Variants in PTPRZ1 observed in about 807,000 individuals in gnomAD.
PTPRZ1 encodes protein tyrosine phosphatase receptor type Z1, also known as receptor-type tyrosine-protein phosphatase zeta.
A neutral mutation model predicts 214.1 loss-of-function variants in PTPRZ1; 82 were observed. The ratio of observed to expected loss-of-function variants is 0.38; its 90% confidence interval spans 0.32 to 0.46. PTPRZ1 has a LOEUF of 0.46. Ranked by LOEUF, PTPRZ1 falls within the 20% of genes least tolerant of loss-of-function variation. The pLI is 1.00. For synonymous variants in PTPRZ1, 945 were observed against 987.9 expected (o/e 0.96, Z 0.81); for missense variants, 2,603 against 2,748.7 (o/e 0.95, Z 1.19).
intron 1 of PTPRZ1, among the ~76,000 whole-genome samples, chr7:121,926,132 G>A (rs1243373877): frequency 6.6e-6 from 1 of 151,918 alleles, no homozygotes; most frequent in Admixed American, 6.6e-5. Context: ...GTGAAACCCC[G>A]TCTCTACTAA....
At chr7:122,055,164 A>C (rs921422178) in intron 27 of PTPRZ1, 77 bp downstream of exon 27, 3 of 1,177,138 alleles carry the variant, frequency 2.5e-6, no homozygotes, top group Non-Finnish European at 3.4e-6. Flanking sequence ...GATCTGTCCT[A>C]GAAATGAAAA....
intron 10 of PTPRZ1, among the ~76,000 whole-genome samples, chr7:121,998,674 A>G (rs149709511): frequency 5.2e-4 from 79 of 152,256 alleles, no homozygotes; most frequent in East Asian, 2.3e-3. Context: ...TAATTTGACA[A>G]TTTACAAGTT....
intron 23 of PTPRZ1, among the ~76,000 whole-genome samples, chr7:122,045,760 C>G (rs1011218703): frequency 6.6e-6 from 1 of 151,580 alleles, no homozygotes; most frequent in Non-Finnish European, 1.5e-5. Context: ...TGATTTGCCC[C>G]TGTGTAGTTG....
chr7:122,030,379 A>G (rs1799335946), intron 14 of PTPRZ1, among the ~76,000 whole-genome samples: 1 of 152,098 alleles, frequency 6.6e-6, no homozygotes, highest in South Asian at 2.1e-4. Flanking sequence ...GCAGGATAAC[A>G]TCAAGGGGTT....
intron 13 of PTPRZ1, among the ~76,000 whole-genome samples, chr7:122,026,983 G>A (rs1490512964): frequency 6.6e-6 from 1 of 152,108 alleles, no homozygotes; most frequent in Non-Finnish European, 1.5e-5. Context: ...GCCTTGTGGG[G>A]CTTATATTCT....
At chr7:121,928,365 A>C (rs1220991567) in intron 2 of PTPRZ1, 144 bp downstream of exon 2, 1 of 545,628 alleles carries the variant, frequency 1.8e-6, no homozygotes, top group African/African-American at 1.9e-5. Flanking sequence ...TAGATATATA[A>C]AATATAAAAC....
intron 1 of PTPRZ1, among the ~76,000 whole-genome samples, chr7:121,901,095 G>A (rs11978007): frequency 0.53 from 80,960 of 151,960 alleles, 22,240 homozygotes; most frequent in South Asian, 0.66. Flanking sequence ...TATGTACCCC[G>A]TTTTCTGTTT....
Position 122,013,543 on chromosome 7 carries a change from C to T in PTPRZ1, c.4497C>T (p.Asp1499=), listed in dbSNP as rs1022024009. ...CCTCAGACAGTCAAACTGGTATGGA[C>T]AGAAGTCCTGGTAAATCACCATCAG... ...SVSSDSQTGM[D]RSPGKSPSAN... Residue 1499 remains aspartate, a synonymous_variant, in exon 12 of 30, where the codon GAC becomes GAT. Coordinates refer to ENST00000393386, the MANE Select transcript of PTPRZ1 (RefSeq NM_002851.3). 7 of 1,613,998 alleles carry T rather than the reference C, an allele frequency of 4.3e-6. No homozygotes were observed. In the African/African-American group the frequency reaches 6.7e-5, roughly 15 times the overall value.
chr7:121,948,457 GAAATAT>G (rs1163373146), intron 2 of PTPRZ1, among the ~76,000 whole-genome samples: 1 of 152,030 alleles, frequency 6.6e-6, no homozygotes, highest in African/African-American at 2.4e-5. Context: ...GTCTATTTTA[GAAATAT>G]AAATAAATAA....
chr7:121,950,281 A>G (rs556730554), intron 2 of PTPRZ1, among the ~76,000 whole-genome samples: 13 of 152,350 alleles, frequency 8.5e-5, no homozygotes, highest in Middle Eastern at 3.4e-3. Flanking sequence ...CTCTTCCACA[A>G]CACATGGGAA....
At chr7:122,000,142 G>T (rs2116622784) in intron 10 of PTPRZ1, among the ~76,000 whole-genome samples, 1 of 152,142 alleles carries the variant, frequency 6.6e-6, no homozygotes, top group Middle Eastern at 3.4e-3. Flanking sequence ...AAAAATTCCT[G>T]CATCAAAAAC....
rs565058903 is a variant in PTPRZ1 at position 121,915,755 on chromosome 7, A to G, written c.59-12401A>G. Among the ~76,000 whole-genome samples, 7 of 152,362 alleles carry G rather than the reference A, an allele frequency of 4.6e-5. No individual in the cohort carries two copies. The East Asian group carries it at 1.2e-3, about 25-fold the overall frequency. On this transcript the variant is annotated intron_variant, in intron 1 of 29. Transcript: ENST00000393386. Reference sequence around the variant, plus strand: ...CATTAATGAAATTAATGGCAGAAGTATAAACTTCAGAAAGATATGATCACT... The same window carrying G: ...CATTAATGAAATTAATGGCAGAAGTGTAAACTTCAGAAAGATATGATCACT...
chr7:122,034,486 G>A (rs1799479072), intron 17 of PTPRZ1, 108 bp downstream of exon 17: 1 of 886,918 alleles, frequency 1.1e-6, no homozygotes, highest in South Asian at 1.6e-5. Flanking sequence ...GGCTGTTTGG[G>A]GCCTTTTTAT....
chr7:121,929,447 T>C (rs1217991733), intron 2 of PTPRZ1, among the ~76,000 whole-genome samples: 3 of 151,828 alleles, frequency 2.0e-5, no homozygotes, highest in Non-Finnish European at 2.9e-5. Context: ...GATAGATGTG[T>C]TTTTATTTTT....
At chr7:121,918,123 C>T (rs545359901) in intron 1 of PTPRZ1, among the ~76,000 whole-genome samples, 1 of 152,176 alleles carries the variant, frequency 6.6e-6, no homozygotes, top group African/African-American at 2.4e-5. Context: ...AGAAACTCTG[C>T]CTTGTCCAGA....
At chr7:121,970,016 T>G (rs1797185443) in intron 3 of PTPRZ1, among the ~76,000 whole-genome samples, 1 of 145,584 alleles carries the variant, frequency 6.9e-6, no homozygotes, top group Non-Finnish European at 1.5e-5. Context: ...GTGTTCTCAT[T>G]GTTCAAATCC....
At chr7:122,002,663 G>T (rs191104322) in intron 10 of PTPRZ1, among the ~76,000 whole-genome samples, 2 of 152,092 alleles carry the variant, frequency 1.3e-5, no homozygotes, top group Non-Finnish European at 2.9e-5. Flanking sequence ...CCCTTATTAC[G>T]ATTAAATAAG....
chr7:121,963,133 G>A (rs565957846), intron 2 of PTPRZ1, among the ~76,000 whole-genome samples: 9 of 152,290 alleles, frequency 5.9e-5, no homozygotes, highest in African/African-American at 1.9e-4. Flanking sequence ...ATTGTTGACA[G>A]CTGAAGTGAT....
At chr7:121,887,376 C>A (rs1487124779) in intron 1 of PTPRZ1, among the ~76,000 whole-genome samples, 1 of 152,124 alleles carries the variant, frequency 6.6e-6, no homozygotes, top group Non-Finnish European at 1.5e-5. Flanking sequence ...CCCCATTTGG[C>A]AGAGTAAGCA....
Sources: allele counts gnomAD v4.1 joint callset (sites outside exome capture counted in the v4.1 genomes callset), GRCh38; gene constraint gnomAD v4.1.1; transcripts MANE v1.5; gene names NCBI Gene and HGNC (gene_info 2026-07-23, HGNC 2026-07-21).